The following SERPINB12 variants were observed in gnomAD, a reference collection of about 807,000 sequenced individuals.
The protein encoded by SERPINB12 is serpin family B member 12, also known as serpin B12.
In SERPINB12, 57 loss-of-function variants were observed where a neutral mutation model predicts 41.1. The ratio of observed to expected loss-of-function variants is 1.39; its 90% CI spans 1.12 to 1.73. The LOEUF (loss-of-function observed/expected upper bound fraction) is 1.73, where lower values mean the gene tolerates loss of function less well. Among genes scored for constraint, SERPINB12 ranks in the 40% most tolerant of loss-of-function variants. SERPINB12 has a pLI of 0.00. For synonymous variants in SERPINB12, 180 were observed against 181.3 expected (o/e 0.99, Z 0.06); for missense variants, 536 against 501.9 (o/e 1.07, Z -0.65).
At chr18:63,546,345 T>C (rs1568124481) in intron 1 of SERPINB12, among the ~76,000 whole-genome samples, 1 of 152,172 alleles carries the variant, frequency 6.6e-6, no homozygotes, top group Admixed American at 6.5e-5. Context: ...CATAACACGA[T>C]TGTAGAGTGC....
intron 1 of SERPINB12, among the ~76,000 whole-genome samples, chr18:63,549,133 A>G (rs1041159075): frequency 6.6e-6 from 1 of 152,176 alleles, no homozygotes; most frequent in African/African-American, 2.4e-5. Flanking sequence ...TTAAGATGCA[A>G]TTTGAAGTGA....
chr18:63,558,975 T>C (rs767886581), intron 3 of SERPINB12, among the ~76,000 whole-genome samples: 11 of 144,930 alleles, frequency 7.6e-5, no homozygotes, highest in Non-Finnish European at 1.4e-4. Context: ...GGAGGGTGGA[T>C]AGATGATTGT....
At chr18:63,548,326 A>G (rs540647001) in intron 1 of SERPINB12, among the ~76,000 whole-genome samples, 1 of 152,268 alleles carries the variant, frequency 6.6e-6, no homozygotes, top group South Asian at 2.1e-4. Flanking sequence ...TTAAAAATGT[A>G]TCTTCAAAGC....
At chr18:63,564,992 C>T (rs982561232) in intron 6 of SERPINB12, among the ~76,000 whole-genome samples, 3 of 152,034 alleles carry the variant, frequency 2.0e-5, no homozygotes, top group African/African-American at 7.2e-5. Context: ...TTGAGACTAG[C>T]CTGGGCAACA....
intron 5 of SERPINB12, among the ~76,000 whole-genome samples, chr18:63,561,933 G>A (rs574577416): frequency 3.3e-5 from 5 of 151,936 alleles, no homozygotes; most frequent in African/African-American, 1.2e-4. Context: ...CTACCTATAG[G>A]GTACTATGCC....
chr18:63,539,201 C>T (rs1242890912), upstream of SERPINB12, among the ~76,000 whole-genome samples: 1 of 152,124 alleles, frequency 6.6e-6, no homozygotes, highest in Non-Finnish European at 1.5e-5. Flanking sequence ...TCACTGGCAA[C>T]CATAGCCAAG....
the SERPINB12 span, among the ~76,000 whole-genome samples, chr18:63,521,624 G>A: frequency 6.6e-6 from 1 of 152,156 alleles, no homozygotes; most frequent in Non-Finnish European, 1.5e-5. Context: ...CAAAAAAAAG[G>A]TAGGCACAAG....
Position 63,566,015 on chromosome 18 carries a change from A to G in SERPINB12, c.873+403A>G, listed in dbSNP as rs925556388. On this transcript the variant is annotated intron_variant, in intron 7 of 7. Transcript: ENST00000382768. ...ACTGTTTTGGGGAATATGTACCTTG[A>G]CAGAAGTGTAGAGAGTGACAACAGA... 5.9e-5 allele frequency among the ~76,000 whole-genome samples: 9 copies of G among 152,216 alleles called. No individual in the cohort carries two copies. The South Asian group carries it at 6.2e-4, about 11-fold the overall frequency.
intron 1 of SERPINB12, among the ~76,000 whole-genome samples, chr18:63,551,015 A>C (rs542769723): frequency 6.6e-6 from 1 of 152,198 alleles, no homozygotes; most frequent in South Asian, 2.1e-4. Flanking sequence ...CACGCCTGTA[A>C]TCCCAGCACT....
intron 1 of SERPINB12, among the ~76,000 whole-genome samples, chr18:63,547,332 T>C (rs1910410234): frequency 6.6e-6 from 1 of 152,130 alleles, no homozygotes; most frequent in African/African-American, 2.4e-5. Context: ...ATTTAGAATA[T>C]CTATATTTTA....
chr18:63,534,196 T>C, the SERPINB12 span, among the ~76,000 whole-genome samples: 3 of 152,158 alleles, frequency 2.0e-5, no homozygotes, highest in African/African-American at 7.2e-5. Flanking sequence ...TCACTGACAG[T>C]CTTAGAATCT....
Position 63,564,037 on chromosome 18 carries a change from G to T in SERPINB12, c.622G>T (p.Val208Leu). 6.2e-7 allele frequency: 1 copy of T among 1,614,030 alleles called. No individual in the cohort carries two copies. The highest frequency in any genetic ancestry group is 1.6e-4 in the Middle Eastern group (1 of 6,062). The change falls in exon 6 of 8, where the codon GTG (valine) becomes TTG (leucine). Residue 208 changes from valine (V) to leucine (L), a missense_variant. Val to Leu is a conservative substitution (Grantham distance 32). Transcript: ENST00000382768. ...AINAETVLVL[V>L]NAVYFKAKWE... ...TAATGCTGAGACTGTGCTGGTACTG[G>T]TGAATGCTGTTTACTTCAAGGCCAA...
chr18:63,561,274 C>G (rs1599425290), intron 5 of SERPINB12, 72 bp downstream of exon 5: 1 of 881,396 alleles, frequency 1.1e-6, no homozygotes, highest in Non-Finnish European at 1.9e-6. Context: ...CCTAGCTTTG[C>G]AGACTGCTGG....
the SERPINB12 span, among the ~76,000 whole-genome samples, chr18:63,523,419 A>G: frequency 6.6e-6 from 1 of 152,214 alleles, no homozygotes. Context: ...CTTCAGCGTG[A>G]TTGCTTCCGC....
rs1291736294 is a variant in SERPINB12 at position 63,551,775 on chromosome 18, C to T, written c.-18-4367C>T. 3.3e-5 allele frequency among the ~76,000 whole-genome samples: 5 copies of T among 152,272 alleles called. No individual in the cohort carries two copies. The East Asian group carries it at 9.6e-4, about 29-fold the overall frequency. Reference sequence around the variant, plus strand: ...TGGTATTGTAATATTTAGATCTCTGCCTTTCTATTTCTTGCTAAAGTGGTC... The same window carrying T: ...TGGTATTGTAATATTTAGATCTCTGTCTTTCTATTTCTTGCTAAAGTGGTC... On this transcript the variant is annotated intron_variant, in intron 1 of 7. Transcript: ENST00000382768.
chr18:63,563,977 G>C lies in SERPINB12; in HGVS notation c.563-1G>C. ...GGATATTCTCTGGGATCTTTTTTTA[G>C]GTAAAATCAAGGAACTCTTCAGCAA... On this transcript the variant is annotated splice_acceptor_variant, in intron 5 of 7. Coordinates refer to ENST00000382768, the MANE Select transcript of SERPINB12 (RefSeq NM_001307928.2). LOFTEE classifies it high-confidence loss of function. The C allele has an allele frequency of 6.2e-7, 1 of 1,601,270 alleles. No individual in the cohort carries two copies. The highest frequency in any genetic ancestry group is 1.3e-5 in the African/African-American group (1 of 74,140).
rs186710063 is a variant in SERPINB12, at chr18:63,551,078, C to A, written c.-18-5064C>A. Among the ~76,000 whole-genome samples the A allele has an allele frequency of 6.4e-3, 973 of 151,930 alleles. 10 individuals carry two copies. Among genetic ancestry groups the A allele is most frequent in the African/African-American group, 0.023 (933 of 41,440 alleles). On this transcript the variant is annotated intron_variant, in intron 1 of 7. Coordinates refer to ENST00000382768, the MANE Select transcript of SERPINB12 (RefSeq NM_001307928.2). ...AGGTCAGGAGATCGAGACTATCCTG[C>A]CTAACACGGTGAAACCCTGTCTCTA...
rs771017136 is a variant in SERPINB12, at chr18:63,566,790, A to G, written c.1057A>G (p.Ile353Val). Reference sequence around the variant, plus strand: ...TGAAACGAGGGCTGATCTTACTGGAATCTCTCCAAGTCCCAATTTGTACTT... The same window carrying G: ...TGAAACGAGGGCTGATCTTACTGGAGTCTCTCCAAGTCCCAATTTGTACTT... ...FDETRADLTG[I>V]SPSPNLYLSK... is the part of the protein sequence containing the mutation. Residue 353 changes from isoleucine (I) to valine (V), a missense_variant, in exon 8 of 8, where the codon ATC becomes GTC. Coordinates refer to ENST00000382768, the MANE Select transcript of SERPINB12 (RefSeq NM_001307928.2). 1 of 1,614,178 alleles carries G rather than the reference A, an allele frequency of 6.2e-7. No individual in the cohort carries two copies. Among genetic ancestry groups the G allele is most frequent in the South Asian group, 1.1e-5 (1 of 91,070 alleles).
At chr18:63,559,499 C>CA in intron 3 of SERPINB12, 79 bp from the exon 4 acceptor site, 1 of 1,458,530 alleles carries the variant, frequency 6.9e-7, no homozygotes. Flanking sequence ...TGCTTCTGTA[C>CA]AAAACACGCA....
Sources: allele counts gnomAD v4.1 joint callset (sites outside exome capture counted in the v4.1 genomes callset), GRCh38; gene constraint gnomAD v4.1.1; transcripts MANE v1.5; gene names NCBI Gene and HGNC (gene_info 2026-07-23, HGNC 2026-07-21).